The following LAMA1 variants were observed in gnomAD, a reference collection of about 807,000 sequenced individuals.
LAMA1 encodes the protein laminin subunit alpha-1.
A neutral mutation model predicts 348.7 loss-of-function variants in LAMA1; 219 were observed. The observed-to-expected ratio is 0.63, with a 90% CI of 0.56 to 0.70. The LOEUF (loss-of-function observed/expected upper bound fraction) is 0.70, where lower values mean the gene tolerates loss of function less well. Ranked by LOEUF, LAMA1 falls within the 30% of genes least tolerant of loss-of-function variation. The pLI is 0.00. For missense variants in LAMA1, 3,744 were observed against 3,888.0 expected, an observed-to-expected ratio of 0.96 and a Z score of 0.99; for synonymous variants, 1,487 against 1,491.0, an observed-to-expected ratio of 1.00 and a Z score of 0.06.
chr18:7,018,893 C>T (rs1036844141), intron 19 of LAMA1, among the ~76,000 whole-genome samples: 2 of 152,142 alleles, frequency 1.3e-5, no homozygotes, highest in Admixed American at 1.3e-4. Context: ...GATCCGCCTC[C>T]TTCATGATCT....
intron 21 of LAMA1, 124 bp from the exon 22 acceptor site, chr18:7,015,982 C>G: frequency 8.5e-7 from 1 of 1,175,336 alleles, no homozygotes; most frequent in Non-Finnish European, 1.2e-6. Flanking sequence ...AAAGACGCCT[C>G]ACAATTCCCA....
intron 21 of LAMA1, among the ~76,000 whole-genome samples, chr18:7,016,190 T>TA (rs2057886902): frequency 6.6e-6 from 1 of 152,160 alleles, no homozygotes; most frequent in African/African-American, 2.4e-5. Flanking sequence ...ATAGAACACT[T>TA]ACACTAACTT....
At chr18:6,976,594 AT>A (rs2057683473) in intron 44 of LAMA1, among the ~76,000 whole-genome samples, 4 of 116,040 alleles carry the variant, frequency 3.4e-5, no homozygotes, top group African/African-American at 1.3e-4. Context: ...GCTTATATTT[AT>A]TTATTTATTT....
intron 61 of LAMA1, among the ~76,000 whole-genome samples, chr18:6,946,155 G>A (rs956868323): frequency 5.3e-5 from 8 of 152,030 alleles, no homozygotes; most frequent in Non-Finnish European, 5.9e-5. Context: ...TTATAGCATG[G>A]TACGTCTATC....
At chr18:6,968,243 C>T (rs1384450226) in intron 48 of LAMA1, among the ~76,000 whole-genome samples, 1 of 152,196 alleles carries the variant, frequency 6.6e-6, no homozygotes, top group Non-Finnish European at 1.5e-5. Context: ...CCCTCCCCAG[C>T]GCTCAGCCCC....
At chr18:6,953,781 T>C (rs1008646795) in intron 57 of LAMA1, 19 of 152,360 alleles carry the variant, frequency 1.2e-4, no homozygotes, top group African/African-American at 4.6e-4. Context: ...TTTGCTGCTC[T>C]TGCTGTCACT....
chr18:7,000,351 C>A (rs570311558), intron 30 of LAMA1, among the ~76,000 whole-genome samples: 1 of 152,258 alleles, frequency 6.6e-6, no homozygotes, highest in African/African-American at 2.4e-5. Flanking sequence ...GGTAAGAGAG[C>A]TGAAACAACT....
Position 7,036,875 on chromosome 18 carries a change from G to A in LAMA1, c.1737+703C>T, listed in dbSNP as rs187954213. Among the ~76,000 whole-genome samples the A allele has an allele frequency of 2.0e-4, 31 of 151,924 alleles. 2 individuals carry two copies. In the South Asian group the frequency reaches 5.0e-3, roughly 25 times the overall value. On this transcript the variant is annotated intron_variant, in intron 12 of 62. Transcript: ENST00000389658. ...TAAAACAAAACAAAACCAAAAACCC[G>A]GGAAGGTAAGCAGGGAGCTATAATA...
chr18:7,106,962 C>T (rs1043388617), intron 1 of LAMA1, among the ~76,000 whole-genome samples: 12 of 151,998 alleles, frequency 7.9e-5, no homozygotes, highest in Admixed American at 1.3e-4. Context: ...CAGTGCTGCA[C>T]GCCTCTGCCC....
chr18:7,098,274 G>A (rs1363497228), intron 1 of LAMA1, among the ~76,000 whole-genome samples: 2 of 152,196 alleles, frequency 1.3e-5, no homozygotes, highest in South Asian at 2.1e-4. Context: ...CTGCCACCCC[G>A]TCTGGGAAGT....
intron 44 of LAMA1, among the ~76,000 whole-genome samples, chr18:6,976,347 C>A (rs1206580040): frequency 6.6e-6 from 1 of 151,980 alleles, no homozygotes; most frequent in Non-Finnish European, 1.5e-5. Context: ...GATTTAATTC[C>A]TTAAAGACAA....
rs753934793 is a variant in LAMA1, at chr18:7,008,562, G to T, written c.4048C>A (p.His1350Asn). Reference sequence around the variant, plus strand: ...AGAGATGCAACCTCTTCTTCTGGGTGCAGCTTTTCAGCCTTTCTGCCAACC... The same window carrying T: ...AGAGATGCAACCTCTTCTTCTGGGTTCAGCTTTTCAGCCTTTCTGCCAACC... ...MEVGRKAEKL[H>N]PEEEVASLLE... The change falls in exon 28 of 63, where the codon CAC becomes AAC. Residue 1350 changes from histidine (H) to asparagine (N), a missense_variant. His to Asn is a moderately conservative substitution (Grantham distance 68). Transcript: ENST00000389658. 6.2e-7 allele frequency: 1 copy of T among 1,614,064 alleles called. No individual in the cohort carries two copies. Among genetic ancestry groups the T allele is most frequent in the Admixed American group, 1.7e-5 (1 of 60,006 alleles).
intron 35 of LAMA1, among the ~76,000 whole-genome samples, chr18:6,993,139 G>T (rs1470967658): frequency 6.6e-6 from 1 of 152,078 alleles, no homozygotes; most frequent in Non-Finnish European, 1.5e-5. Context: ...GCCCTATAAA[G>T]TCTGATTTTT....
Position 6,941,816 on chromosome 18 carries a change from T to G in LAMA1, c.*263A>C. On this transcript the variant is annotated 3_prime_UTR_variant, in exon 63 of 63. Coordinates refer to ENST00000389658, the MANE Select transcript of LAMA1 (RefSeq NM_005559.4). Reference sequence around the variant, plus strand: ...AAAAACATAAAATACTATCAAGTAATCAACAGAACATTCAATGTGTATAAA... The same window carrying G: ...AAAAACATAAAATACTATCAAGTAAGCAACAGAACATTCAATGTGTATAAA... The G allele has an allele frequency of 2.2e-6, 1 of 463,420 alleles. No individual in the cohort carries two copies. The highest frequency in any genetic ancestry group is 2.2e-5 in the South Asian group (1 of 44,864). 28.7% of individuals were successfully genotyped at this position (463,420 alleles called of 1,614,324 possible).
At chr18:6,954,971 C>A in intron 57 of LAMA1, 1 of 333,588 alleles carries the variant, frequency 3.0e-6, no homozygotes, top group Non-Finnish European at 5.8e-6. Context: ...GGGATTTTGG[C>A]CACCACAGTG....
intron 28 of LAMA1, 99 bp downstream of exon 28, chr18:7,008,389 T>C (rs948598235): frequency 4.4e-5 from 58 of 1,314,526 alleles, no homozygotes; most frequent in South Asian, 4.4e-4. Flanking sequence ...AAAAATGATA[T>C]AGTAGATACA....
chr18:6,986,903 T>C (rs11662656), intron 36 of LAMA1, among the ~76,000 whole-genome samples: 27,318 of 152,154 alleles, frequency 0.18, 3,061 homozygotes, highest in Non-Finnish European at 0.26. Context: ...GGGATTAAGG[T>C]GCCTGCCATC....
rs12961939 is a variant in LAMA1, at chr18:6,997,819, A to C, written c.4729T>G (p.Ser1577Ala). The C allele has an allele frequency of 0.24, 386,406 of 1,613,506 alleles. 49,325 individuals are homozygous for C. The highest frequency in any genetic ancestry group is 0.27 in the Middle Eastern group (1,610 of 6,060). Residue 1577 changes from serine to alanine, a missense_variant, in exon 33 of 63, where the codon TCT becomes GCT. By Grantham distance (99) the Ser-to-Ala change is moderately conservative. Around this residue, in one of 3 missense-constraint regions of LAMA1, gnomAD observed 1,983 missense variants for 1,934.3 expected, o/e 1.03. Coordinates refer to ENST00000389658, the MANE Select transcript of LAMA1 (RefSeq NM_005559.4). The part of the protein sequence containing the change: ...DLDEIGDAVL[S>A]LNLTGIIPVP... Reference sequence around the variant, plus strand: ...GGGATAATGCCAGTGAGGTTCAGAGAAAGAACGGCATCACCAATCTCATCC... The same window carrying C: ...GGGATAATGCCAGTGAGGTTCAGAGCAAGAACGGCATCACCAATCTCATCC...
intron 16 of LAMA1, among the ~76,000 whole-genome samples, chr18:7,031,112 T>C (rs1231590182): frequency 6.6e-6 from 1 of 152,180 alleles, no homozygotes; most frequent in African/African-American, 2.4e-5. Flanking sequence ...CTGGACATCA[T>C]TCTAAGATCT....
Sources: allele counts gnomAD v4.1 joint callset (sites outside exome capture counted in the v4.1 genomes callset), GRCh38; gene constraint gnomAD v4.1.1; regional missense constraint gnomAD v4.1.1; transcripts MANE v1.5; gene names NCBI Gene and HGNC (gene_info 2026-07-23, HGNC 2026-07-21).